The following EPHB1 variants were observed in gnomAD, a reference collection of about 807,000 sequenced individuals.
EPHB1 encodes the protein EPH receptor B1, also known as ephrin type-B receptor 1.
A neutral mutation model predicts 94.4 loss-of-function variants in EPHB1; 30 were observed. The ratio of observed to expected loss-of-function variants is 0.32; its 90% CI spans 0.24 to 0.43. The LOEUF (loss-of-function observed/expected upper bound fraction) is 0.43, where lower values mean the gene tolerates loss of function less well. Ranked by LOEUF, EPHB1 falls within the 20% of genes least tolerant of loss-of-function variation. EPHB1 has a pLI of 1.00. For missense variants in EPHB1, 1,055 were observed against 1,308.3 expected (o/e 0.81, Z 2.99); for synonymous variants, 522 against 489.1 (o/e 1.07, Z -0.89).
chr3:135,229,798 C>T (rs956898873), intron 12 of EPHB1, among the ~76,000 whole-genome samples: 1 of 152,184 alleles, frequency 6.6e-6, no homozygotes, highest in Admixed American at 6.5e-5. Flanking sequence ...AGCTGTATTG[C>T]CTGCCGTAGC....
At chr3:134,853,840 C>G (rs1427249027) in intron 1 of EPHB1, among the ~76,000 whole-genome samples, 1 of 152,152 alleles carries the variant, frequency 6.6e-6, no homozygotes, top group Non-Finnish European at 1.5e-5. Flanking sequence ...AAAACAGAGA[C>G]AGGGGTTCCA....
At chr3:134,872,527 C>A (rs1027476199) in intron 1 of EPHB1, among the ~76,000 whole-genome samples, 8 of 152,192 alleles carry the variant, frequency 5.3e-5, no homozygotes, top group Non-Finnish European at 8.8e-5. Context: ...TATAGCCAAC[C>A]TGTCACATTA....
intron 3 of EPHB1, among the ~76,000 whole-genome samples, chr3:135,004,503 C>T (rs1935313723): frequency 1.3e-5 from 2 of 152,224 alleles, no homozygotes; most frequent in Non-Finnish European, 1.5e-5. Context: ...TGAACGTTGG[C>T]CTGCCTTGCT....
intron 3 of EPHB1, among the ~76,000 whole-genome samples, chr3:135,100,844 G>A (rs553577100): frequency 1.3e-5 from 2 of 152,282 alleles, no homozygotes; most frequent in South Asian, 4.2e-4. Context: ...AGGCAAATGT[G>A]TGTTTTGTCT....
intron 1 of EPHB1, among the ~76,000 whole-genome samples, chr3:134,814,422 G>A (rs942743216): frequency 7.2e-5 from 11 of 152,180 alleles, no homozygotes; most frequent in Non-Finnish European, 4.4e-5. Flanking sequence ...TTACATTCAA[G>A]TAAGTGCTCC....
At chr3:134,887,207 G>A (rs777597268) in intron 1 of EPHB1, among the ~76,000 whole-genome samples, 1 of 152,186 alleles carries the variant, frequency 6.6e-6, no homozygotes, top group African/African-American at 2.4e-5. Context: ...GGCAGTTGGC[G>A]CTGGCTGTTG....
At chr3:134,916,907 G>A (rs2038586242) in intron 1 of EPHB1, among the ~76,000 whole-genome samples, 1 of 152,256 alleles carries the variant, frequency 6.6e-6, no homozygotes, top group Non-Finnish European at 1.5e-5. Context: ...AGGGCTGCCA[G>A]CACACTGTCA....
intron 9 of EPHB1, among the ~76,000 whole-genome samples, chr3:135,173,272 G>T (rs1002598558): frequency 3.3e-5 from 5 of 151,932 alleles, no homozygotes; most frequent in Non-Finnish European, 7.4e-5. Context: ...CTGACCTCGT[G>T]ATCCGCCCGC....
rs563571746 is a variant in EPHB1 at position 135,211,486 on chromosome 3, T to C, written c.2346+9797T>C. 2.0e-5 allele frequency among the ~76,000 whole-genome samples: 3 copies of C among 152,372 alleles called. No homozygotes were observed. In the South Asian group the frequency reaches 6.2e-4, roughly 32 times the overall value. ...TTTTTGTAGTGCAGGTCTCTGGCAA[T>C]GCATTTCTTAGTTTTCTTTATCAGA... On this transcript the variant is annotated intron_variant, in intron 12 of 15. Transcript: ENST00000398015.
At chr3:135,098,953 C>T (rs1034224528) in intron 3 of EPHB1, among the ~76,000 whole-genome samples, 9 of 126,122 alleles carry the variant, frequency 7.1e-5, no homozygotes, top group Admixed American at 3.1e-4. Context: ...GCGGAGGTTG[C>T]GGTGAGCAGA....
chr3:135,187,088 AGCACATTG>A (rs1347172743), intron 10 of EPHB1, among the ~76,000 whole-genome samples: 1 of 152,208 alleles, frequency 6.6e-6, no homozygotes, highest in African/African-American at 2.4e-5. Context: ...ACCACTGCTG[AGCACATTG>A]GCCACTAGAC....
At chr3:135,090,300 A>G (rs1052488532) in intron 3 of EPHB1, among the ~76,000 whole-genome samples, 1 of 152,190 alleles carries the variant, frequency 6.6e-6, no homozygotes, top group African/African-American at 2.4e-5. Context: ...CTCTTTCCAA[A>G]GTCTGCATCA....
chr3:135,250,710 C>G (rs932151760), intron 15 of EPHB1, among the ~76,000 whole-genome samples: 13 of 152,136 alleles, frequency 8.5e-5, no homozygotes, highest in African/African-American at 2.9e-4. Flanking sequence ...TTCAAACACA[C>G]ACACATACAC....
chr3:135,241,442 A>T (rs1283328691), intron 13 of EPHB1, 145 bp downstream of exon 13: 2 of 1,039,260 alleles, frequency 1.9e-6, no homozygotes, highest in Admixed American at 2.1e-5. Context: ...GGACACCCTT[A>T]GCATGGATGT....
At chr3:135,230,489 G>A (rs148418161) in intron 12 of EPHB1, among the ~76,000 whole-genome samples, 45 of 152,322 alleles carry the variant, frequency 3.0e-4, no homozygotes, top group Admixed American at 6.5e-4. Context: ...AACACTGATA[G>A]CAGGACCCAG....
intron 12 of EPHB1, among the ~76,000 whole-genome samples, chr3:135,217,653 A>G (rs908983867): frequency 1.3e-5 from 2 of 152,190 alleles, no homozygotes; most frequent in African/African-American, 2.4e-5. Flanking sequence ...GCACCAGGTA[A>G]TAGCTGGACT....
chr3:135,158,770 G>T (rs962325313), intron 6 of EPHB1, among the ~76,000 whole-genome samples: 3 of 151,936 alleles, frequency 2.0e-5, no homozygotes, highest in Non-Finnish European at 2.9e-5. Flanking sequence ...TTCACTCCTG[G>T]TGTCAGCGCT....
rs1451553617 is a variant in EPHB1, at chr3:134,955,564, C to T, written c.805+3512C>T. ...TCAACCATTGTGGAAGTCAGTGTGG[C>T]GATTCCTCAGGGATCTAGAACTAGA... is the stretch of plus-strand genomic sequence containing the variant. On this transcript the variant is annotated intron_variant, in intron 3 of 15. Coordinates refer to ENST00000398015, the MANE Select transcript of EPHB1 (RefSeq NM_004441.5). 4.9e-5 allele frequency among the ~76,000 whole-genome samples: 5 copies of T among 101,020 alleles called. 1 individual carries two copies. Among genetic ancestry groups the T allele is most frequent in the South Asian group, 7.3e-4 (2 of 2,734 alleles). The allele number at this position is 101,020 out of a possible 152,430, so 66.3% of individuals were successfully genotyped here. A position where few individuals can be genotyped will look rare whatever the true frequency, so the allele number is the denominator to read the frequency against.
At chr3:135,219,022 G>T (rs1943218266) in intron 12 of EPHB1, among the ~76,000 whole-genome samples, 1 of 152,164 alleles carries the variant, frequency 6.6e-6, no homozygotes, top group Admixed American at 6.5e-5. Context: ...GAGGGAGTTG[G>T]AGGAGCCTGA....
Sources: gnomAD v4.1 joint callset for allele counts (sites outside exome capture counted in the v4.1 genomes callset) on GRCh38, gnomAD v4.1.1 for gene constraint, MANE v1.5 for transcripts, NCBI Gene and HGNC (gene_info 2026-07-23, HGNC 2026-07-21) for gene names.